The following COA1 variants were observed in gnomAD, a reference collection of about 807,000 sequenced individuals.
COA1 encodes cytochrome c oxidase assembly factor 1.
COA1 carries 13 observed loss-of-function variants against 16.0 expected under a neutral mutation model. That is an observed-to-expected ratio of 0.81 (90% CI 0.53 to 1.29). COA1 has a LOEUF of 1.29. COA1 is among the 50% of genes most tolerant of loss of function. The pLI, the probability that COA1 is intolerant of heterozygous loss-of-function variation, is 0.00. For synonymous variants in COA1, 65 were observed against 65.7 expected (o/e 0.99, Z 0.05); for missense variants, 179 against 177.0 (o/e 1.01, Z -0.06).
At chr7:43,685,155 A>T (rs765434587) in intron 1 of COA1, among the ~76,000 whole-genome samples, 12 of 78,366 alleles carry the variant, frequency 1.5e-4, no homozygotes, top group Non-Finnish European at 3.1e-4. Context: ...CCCATCTCTT[A>T]AAAAAAAAAA....
At chr7:43,669,771 TA>T (rs56286506) in intron 1 of COA1, among the ~76,000 whole-genome samples, 117,217 of 148,722 alleles carry the variant, frequency 0.79, 46,081 homozygotes, top group Admixed American at 0.84. Flanking sequence ...AAAAAAAAAT[TA>T]AAAAAAAAAA....
intron 6 of COA1, among the ~76,000 whole-genome samples, chr7:43,609,803 A>T (rs903733063): frequency 1.3e-5 from 2 of 152,132 alleles, no homozygotes; most frequent in East Asian, 1.9e-4. Context: ...CCCCCAAAAA[A>T]CTTTCCCATC....
At chr7:43,721,209 A>C (rs1585518267) in intron 1 of COA1, among the ~76,000 whole-genome samples, 1 of 152,218 alleles carries the variant, frequency 6.6e-6, no homozygotes, top group Non-Finnish European at 1.5e-5. Context: ...TTATCCATAG[A>C]CTGCTTTACT....
chr7:43,675,065 ACT>A (rs1359644395), intron 1 of COA1, among the ~76,000 whole-genome samples: 1 of 152,182 alleles, frequency 6.6e-6, no homozygotes, highest in East Asian at 1.9e-4. Flanking sequence ...AATCACAAAT[ACT>A]CTGTCAGGCT....
At chr7:43,611,051 C>T (rs187728298) in intron 6 of COA1, among the ~76,000 whole-genome samples, 284 of 151,734 alleles carry the variant, frequency 1.9e-3, no homozygotes, top group African/African-American at 5.7e-3. Flanking sequence ...TGGGAGGTGA[C>T]GGTTGCAGTG....
At chr7:43,642,729 C>G (rs972168524) in intron 4 of COA1, among the ~76,000 whole-genome samples, 7 of 152,208 alleles carry the variant, frequency 4.6e-5, no homozygotes, top group Admixed American at 4.6e-4. Context: ...CCAGCCAGAC[C>G]TTGCCAAAGA....
intron 6 of COA1, chr7:43,626,419 AG>A (rs2084549584): frequency 6.6e-6 from 1 of 152,248 alleles, no homozygotes; most frequent in South Asian, 2.1e-4. Flanking sequence ...GAAATTCATC[AG>A]GCACTTCAGA....
At chr7:43,653,868 A>G (rs1270653106) in intron 1 of COA1, among the ~76,000 whole-genome samples, 3 of 152,150 alleles carry the variant, frequency 2.0e-5, no homozygotes, top group Admixed American at 6.5e-5. Flanking sequence ...AAGATTAATA[A>G]ACTGTAAAAT....
At chr7:43,695,462 C>T (rs2094498153) in intron 1 of COA1, among the ~76,000 whole-genome samples, 1 of 152,030 alleles carries the variant, frequency 6.6e-6, no homozygotes, top group Non-Finnish European at 1.5e-5. Context: ...TCTCTTCTCT[C>T]TCTCTCTATC....
intron 4 of COA1, among the ~76,000 whole-genome samples, chr7:43,643,138 T>TG (rs1394916129): frequency 6.6e-6 from 1 of 152,126 alleles, no homozygotes; most frequent in Non-Finnish European, 1.5e-5. Context: ...CCCAGGGATG[T>TG]GGGGAAGCCC....
intron 6 of COA1, among the ~76,000 whole-genome samples, chr7:43,614,828 A>T (rs1302253637): frequency 2.0e-5 from 3 of 152,274 alleles, no homozygotes; most frequent in Non-Finnish European, 2.9e-5. Flanking sequence ...ACACTGATTT[A>T]GGATTTACAA....
At chr7:43,659,978 T>G (rs2092264181) in intron 1 of COA1, among the ~76,000 whole-genome samples, 1 of 152,176 alleles carries the variant, frequency 6.6e-6, no homozygotes, top group African/African-American at 2.4e-5. Flanking sequence ...AAAGACTGTG[T>G]TAAGACAAAA....
At chr7:43,688,542 G>C (rs371384091) in intron 1 of COA1, among the ~76,000 whole-genome samples, 2 of 151,966 alleles carry the variant, frequency 1.3e-5, no homozygotes, top group African/African-American at 4.8e-5. Context: ...CATTAGTCAG[G>C]ATCAGGTTCA....
At chr7:43,682,310 T>C (rs988970985) in intron 1 of COA1, among the ~76,000 whole-genome samples, 19 of 152,368 alleles carry the variant, frequency 1.2e-4, no homozygotes, top group Middle Eastern at 3.4e-3. Flanking sequence ...TATTGATCAC[T>C]ACTTTTCTCA....
chr7:43,640,507 G>GT (rs1345367469), intron 5 of COA1, 66 bp downstream of exon 5: 1 of 1,072,582 alleles, frequency 9.3e-7, no homozygotes, highest in African/African-American at 1.6e-5. Context: ...TGAAAACGGA[G>GT]TTGGGGTTGC....
At chr7:43,707,800 C>G (rs1431314035) in intron 1 of COA1, among the ~76,000 whole-genome samples, 3 of 152,176 alleles carry the variant, frequency 2.0e-5, no homozygotes, top group Admixed American at 2.0e-4. Flanking sequence ...CTATTTTGAG[C>G]TAGTACAAAT....
chr7:43,677,626 C>G (rs2093591549), intron 1 of COA1, among the ~76,000 whole-genome samples: 1 of 151,846 alleles, frequency 6.6e-6, no homozygotes, highest in African/African-American at 2.4e-5. Flanking sequence ...TGGTGAAACC[C>G]CACCTCTACT....
chr7:43,631,881 AGT>A (rs970802173), intron 6 of COA1: 23 of 152,230 alleles, frequency 1.5e-4, no homozygotes, highest in African/African-American at 4.8e-4. Flanking sequence ...AATGAGCAGC[AGT>A]GTTATGCCTA....
rs201522288 is a variant in COA1 at position 43,691,475 on chromosome 7, AAG to A, written c.-39+37952_-39+37953del. Among the ~76,000 whole-genome samples the A allele has an allele frequency of 4.3e-3, 599 of 138,358 alleles. 23 individuals carry two copies. The highest frequency in any genetic ancestry group is 0.016 in the African/African-American group (540 of 32,856). The allele number at this position is 138,358 out of a possible 152,430, so 90.8% of individuals were successfully genotyped here. ...AAAGAAAGAAAGAAAGAAAGAAAGA[AAG>A]AAATTATCATCAATATAACATTTTC... On this transcript the variant is annotated intron_variant, in intron 1 of 5. Coordinates refer to ENST00000223336, the MANE Select transcript of COA1 (RefSeq NM_018224.4).
Sources: allele counts gnomAD v4.1 joint callset (sites outside exome capture counted in the v4.1 genomes callset), GRCh38; gene constraint gnomAD v4.1.1; transcripts MANE v1.5; gene names NCBI Gene and HGNC (gene_info 2026-07-23, HGNC 2026-07-21).